SUN1: variants seen among roughly 807,000 people sequenced by gnomAD.
The protein encoded by SUN1 is Sad1 and UNC84 domain containing 1.
Under a neutral mutation model 103.2 loss-of-function variants are expected in SUN1, and 61 were observed. The ratio of observed to expected loss-of-function variants is 0.59; its 90% CI spans 0.48 to 0.73. SUN1 has a LOEUF of 0.73. SUN1 is among the 30% of genes least tolerant of loss of function. SUN1 has a pLI of 0.00. For synonymous variants in SUN1, 490 were observed against 425.7 expected (o/e 1.15, Z -1.86); for missense variants, 1,052 against 1,034.6 (o/e 1.02, Z -0.23).
intron 2 of SUN1, chr7:839,256 G>T: frequency 2.8e-6 from 1 of 361,724 alleles, no homozygotes; most frequent in South Asian, 1.0e-4. Context: ...GCCACGTGCA[G>T]TGCCAGCACT....
Position 860,322 on chromosome 7 carries a change from A to G in SUN1, c.1719A>G (p.Pro573=), listed in dbSNP as rs1404118121. 6.2e-7 allele frequency: 1 copy of G among 1,614,262 alleles called. No individual in the cohort carries two copies. The highest frequency in any genetic ancestry group is 2.2e-5 in the East Asian group (1 of 44,890). ...THHVSVTKQL[P]TSEAVVSAVS... ...ACGTTTCCGTGACCAAGCAGCTCCCAACCTCAGAAGCCGTGGTGTCTGCTG... is the reference window on the plus strand; with the variant it reads ...ACGTTTCCGTGACCAAGCAGCTCCCGACCTCAGAAGCCGTGGTGTCTGCTG... Residue 573 remains proline (P), a synonymous_variant, in exon 14 of 19, where the codon CCA becomes CCG. Transcript: ENST00000401592.
upstream of SUN1, chr7:816,571 C>T (rs1351292960): frequency 5.0e-6 from 2 of 396,526 alleles, no homozygotes. Flanking sequence ...TGCGTTGCTC[C>T]CGCCCTCGGC....
At chr7:844,512 A>G (rs1196030260) in intron 5 of SUN1, among the ~76,000 whole-genome samples, 1 of 152,188 alleles carries the variant, frequency 6.6e-6, no homozygotes, top group Non-Finnish European at 1.5e-5. Context: ...GATTTCTCGC[A>G]TCTCGTTTTT....
Position 854,912 on chromosome 7 carries a change from T to C in SUN1, c.1264-8T>C. On this transcript the variant is annotated splice_region_variant and splice_polypyrimidine_tract_variant and intron_variant, in intron 10 of 18. Transcript: ENST00000401592. ...TCCATCATTTGTTCACTCCTTCTCT[T>C]TCCTAAGACTGACTTTATGGCCTTT... 1.2e-6 allele frequency: 2 copies of C among 1,608,772 alleles called. No homozygotes were observed. The highest frequency in any genetic ancestry group is 1.7e-6 in the Non-Finnish European group (2 of 1,177,148).
At chr7:828,300 C>G (rs551720908), upstream of SUN1, among the ~76,000 whole-genome samples, 1 of 151,790 alleles carries the variant, frequency 6.6e-6, no homozygotes, top group Non-Finnish European at 1.5e-5. Context: ...GAGACAGAGT[C>G]TCACTCTGTC....
intron 1 of SUN1, among the ~76,000 whole-genome samples, chr7:822,853 G>C (rs367784553): frequency 6.6e-6 from 1 of 152,184 alleles, no homozygotes; most frequent in Admixed American, 6.5e-5. Context: ...AGGCCCAAGC[G>C]CAGCACACAC....
intron 7 of SUN1, chr7:852,396 A>G: frequency 1.6e-6 from 1 of 632,596 alleles, no homozygotes; most frequent in South Asian, 2.0e-5. Context: ...GGCCATTCCC[A>G]CAGCACCAGA....
rs146865803 is a variant in SUN1, at chr7:824,789, A to G, written c.-74+8116A>G. 3.4e-3 allele frequency among the ~76,000 whole-genome samples: 512 copies of G among 149,456 alleles called. 4 individuals are homozygous for G. Among genetic ancestry groups the G allele is most frequent in the African/African-American group, 0.012 (482 of 41,064 alleles). On this transcript the variant is annotated intron_variant, in intron 1 of 17. Transcript: ENST00000389574. ...AGTGAAGAAACGTTGCATCTTGGCT[A>G]GGAACTATCTGTCGATATGGCTTTG...
In SUN1 at chr7:849,599, G is replaced by A. The variant is rs1017954127; in HGVS notation, c.659-1785G>A. ...GCCACCTCAGTGTAAATGGGGAAGCGCTGTGTAAGTATGGCTTCGTTTTCC... is the reference window on the plus strand; with the variant it reads ...GCCACCTCAGTGTAAATGGGGAAGCACTGTGTAAGTATGGCTTCGTTTTCC... On this transcript the variant is annotated intron_variant, in intron 5 of 18. Transcript: ENST00000401592. The A allele has an allele frequency of 1.4e-5, 20 of 1,462,462 alleles. No homozygotes were observed. In the Middle Eastern group the frequency reaches 5.6e-4, roughly 41 times the overall value. The allele number at this position is 1,462,462 out of a possible 1,614,324, so 90.6% of individuals were successfully genotyped here. A position where few individuals can be genotyped will look rare whatever the true frequency, so the allele number is the denominator to read the frequency against.
At chr7:828,183 C>G (rs1269058813), upstream of SUN1, among the ~76,000 whole-genome samples, 1 of 151,970 alleles carries the variant, frequency 6.6e-6, no homozygotes, top group Non-Finnish European at 1.5e-5. Context: ...GGATTACAGG[C>G]ATGAGCCACC....
intron 13 of SUN1, among the ~76,000 whole-genome samples, chr7:858,391 T>A (rs201183814): frequency 1.3e-4 from 1 of 7,836 alleles, no homozygotes; most frequent in African/African-American, 3.8e-4. Context: ...CTTTAAAAAC[T>A]TTTTTTTTTT....
At position 860,215 on chromosome 7, in the gene SUN1, T is replaced by C. The variant is rs952973874; in HGVS notation, c.1612T>C (p.Ser538Pro). ...GSLEQLLQRF[S>P]SQFVSKGDLQ... Reference sequence around the variant, plus strand: ...TCTGGAACAGCTGCTGCAGAGGTTCTCATCACAGTTTGTGAGCAAAGGCGA... The same window carrying C: ...TCTGGAACAGCTGCTGCAGAGGTTCCCATCACAGTTTGTGAGCAAAGGCGA... Residue 538 changes from serine (S) to proline (P), a missense_variant, in exon 14 of 19, where the codon TCA becomes CCA. Coordinates refer to ENST00000401592, the MANE Select transcript of SUN1 (RefSeq NM_001130965.3). 8 of 1,614,140 alleles carry C rather than the reference T, an allele frequency of 5.0e-6. No individual in the cohort carries two copies. The Admixed American group carries it at 6.7e-5, about 13-fold the overall frequency.
At chr7:863,750 C>T (rs1834111944) in intron 15 of SUN1, among the ~76,000 whole-genome samples, 1 of 152,150 alleles carries the variant, frequency 6.6e-6, no homozygotes, top group Non-Finnish European at 1.5e-5. Context: ...ACACCAGGCT[C>T]AATCGGATGC....
At chr7:826,926 G>C (rs543497344) in intron 1 of SUN1, among the ~76,000 whole-genome samples, 1 of 152,204 alleles carries the variant, frequency 6.6e-6, no homozygotes. Flanking sequence ...GCTGCCTGCA[G>C]GTTTTAAAGT....
intron 11 of SUN1, 101 bp downstream of exon 11, chr7:855,107 T>A (rs1413545020): frequency 1.1e-6 from 1 of 901,846 alleles, no homozygotes; most frequent in Non-Finnish European, 1.7e-6. Flanking sequence ...CTTTTTAGGC[T>A]ATTTGCTGTT....
rs1812203174 is a variant in SUN1 at position 843,517 on chromosome 7, A to C, written c.655A>C (p.Lys219Gln). The change falls in exon 5 of 19, where the codon AAA (lysine) becomes CAA (glutamine). Residue 219 changes from lysine (K) to glutamine (Q), a missense_variant. Physicochemically the swap from Lys to Gln is moderately conservative, Grantham distance 53. Transcript: ENST00000401592. The part of the protein sequence containing the change: ...SRVYSRDRNQ[K>Q]CYFLLQILRR... ...AGTTTATTCTAGGGACAGGAATCAA[A>C]AATGTAAGTCTCAGTCCTTTAAAAC... 1 of 1,614,024 alleles carries C rather than the reference A, an allele frequency of 6.2e-7. No individual in the cohort carries two copies. The highest frequency in any genetic ancestry group is 2.2e-5 in the East Asian group (1 of 44,878).
chr7:845,589 A>G (rs964491562), intron 5 of SUN1, among the ~76,000 whole-genome samples: 1 of 151,980 alleles, frequency 6.6e-6, no homozygotes, highest in Non-Finnish European at 1.5e-5. Flanking sequence ...ACTTATAGTC[A>G]GATTGCATGA....
intron 1 of SUN1, among the ~76,000 whole-genome samples, chr7:818,681 C>G (rs938604143): frequency 6.6e-6 from 1 of 152,206 alleles, no homozygotes; most frequent in African/African-American, 2.4e-5. Context: ...TTCACTTTCT[C>G]CACATCCCCC....
intron 5 of SUN1, 172 bp from the exon 6 acceptor site, chr7:851,212 A>G (rs1308647489): frequency 1.3e-5 from 7 of 528,540 alleles, no homozygotes; most frequent in Non-Finnish European, 2.4e-5. Context: ...TGTCAGTGCA[A>G]TATTGCCAGC....
Sources: allele counts gnomAD v4.1 joint callset (sites outside exome capture counted in the v4.1 genomes callset), GRCh38; gene constraint gnomAD v4.1.1; transcripts MANE v1.5; gene names NCBI Gene and HGNC (gene_info 2026-07-23, HGNC 2026-07-21).